Variants in NRG1 observed in about 807,000 individuals in gnomAD.
NRG1 encodes the protein pro-neuregulin-1, membrane-bound isoform.
A neutral mutation model predicts 63.8 loss-of-function variants in NRG1; 18 were observed. The observed-to-expected ratio is 0.28, with a 90% CI of 0.19 to 0.42. NRG1 has a LOEUF of 0.42. Ranked by LOEUF, NRG1 falls within the 10% of genes least tolerant of loss-of-function variation. The pLI is 1.00. For missense variants in NRG1, 762 were observed against 814.7 expected, an observed-to-expected ratio of 0.94 and a Z score of 0.79; for synonymous variants, 302 against 301.3, an observed-to-expected ratio of 1.00 and a Z score of -0.02.
At chr8:32,356,398 C>G (rs977969203) in intron 1 of NRG1, among the ~76,000 whole-genome samples, 4 of 149,644 alleles carry the variant, frequency 2.7e-5, no homozygotes, top group Non-Finnish European at 5.9e-5. Flanking sequence ...AATATGCTCA[C>G]AGGAAATAAT....
intron 1 of NRG1, among the ~76,000 whole-genome samples, chr8:31,834,830 A>C (rs1400394379): frequency 6.6e-6 from 1 of 152,224 alleles, no homozygotes; most frequent in Non-Finnish European, 1.5e-5. Flanking sequence ...GATGACTTTT[A>C]TCTTGCTCCT....
At chr8:32,212,135 C>T (rs1370565992) in intron 1 of NRG1, among the ~76,000 whole-genome samples, 1 of 152,088 alleles carries the variant, frequency 6.6e-6, no homozygotes, top group Non-Finnish European at 1.5e-5. Flanking sequence ...AGATCTACCA[C>T]TTAAAAATTA....
At chr8:31,908,441 G>A (rs1832694522) in intron 1 of NRG1, among the ~76,000 whole-genome samples, 1 of 152,192 alleles carries the variant, frequency 6.6e-6, no homozygotes, top group South Asian at 2.1e-4. Context: ...ACTGGTGGCA[G>A]TGGTTTGTGG....
intron 1 of NRG1, among the ~76,000 whole-genome samples, chr8:32,145,146 C>T (rs1836733194): frequency 6.6e-6 from 1 of 152,166 alleles, no homozygotes; most frequent in Non-Finnish European, 1.5e-5. Context: ...TCAACCACAG[C>T]CTTTACCTTC....
chr8:31,938,992 A>G (rs1011163179), intron 1 of NRG1, among the ~76,000 whole-genome samples: 1 of 152,208 alleles, frequency 6.6e-6, no homozygotes, highest in African/African-American at 2.4e-5. Context: ...AGCATATTTG[A>G]GGGAATAATT....
chr8:31,931,291 T>A (rs1288476839), intron 1 of NRG1, among the ~76,000 whole-genome samples: 1 of 151,672 alleles, frequency 6.6e-6, no homozygotes, highest in Non-Finnish European at 1.5e-5. Context: ...CCAAAATAAA[T>A]AAATAAATAA....
At chr8:31,949,113 A>G (rs1049621032) in intron 1 of NRG1, among the ~76,000 whole-genome samples, 14 of 152,238 alleles carry the variant, frequency 9.2e-5, no homozygotes, top group African/African-American at 2.9e-4. Context: ...AGATGATGAT[A>G]ATCATAATAG....
intron 1 of NRG1, among the ~76,000 whole-genome samples, chr8:32,029,142 T>C (rs1469085051): frequency 6.6e-6 from 1 of 152,196 alleles, no homozygotes; most frequent in African/African-American, 2.4e-5. Context: ...AACAAAGTAT[T>C]ATTTGCGTAC....
intron 1 of NRG1, among the ~76,000 whole-genome samples, chr8:32,278,722 T>C (rs1852374616): frequency 6.6e-6 from 1 of 152,204 alleles, no homozygotes; most frequent in Non-Finnish European, 1.5e-5. Context: ...CTCCTTTCCA[T>C]GATACTCATC....
At chr8:32,731,740 A>C (rs934022452) in intron 6 of NRG1, among the ~76,000 whole-genome samples, 12 of 152,218 alleles carry the variant, frequency 7.9e-5, no homozygotes, top group African/African-American at 2.9e-4. Context: ...TACATTGTTC[A>C]CTAGACCACT....
chr8:32,311,951 C>G (rs370637427), intron 1 of NRG1, among the ~76,000 whole-genome samples: 3 of 152,210 alleles, frequency 2.0e-5, no homozygotes, highest in Non-Finnish European at 4.4e-5. Context: ...CTTCCGATTT[C>G]TTTTTTCTCT....
At chr8:31,690,987 C>A (rs542649234) in intron 1 of NRG1, among the ~76,000 whole-genome samples, 1 of 151,966 alleles carries the variant, frequency 6.6e-6, no homozygotes, top group Non-Finnish European at 1.5e-5. Flanking sequence ...GCTGAGTGAA[C>A]GAAGAGACTG....
rs80189840 is a variant in NRG1, at chr8:32,557,375, T to C, written c.100+8549T>C. 2.3e-4 allele frequency among the ~76,000 whole-genome samples: 35 copies of C among 152,340 alleles called. 1 individual carries two copies. In the East Asian group the frequency reaches 6.7e-3, roughly 29 times the overall value. ...ATCTTTTGGTATTTTATCTCTTTTC[T>C]GCCAACAGGGTGAAATGGAAGTACA... On this transcript the variant is annotated intron_variant, in intron 1 of 11. Transcript: ENST00000356819.
chr8:32,007,504 T>A (rs1273006625), intron 1 of NRG1, among the ~76,000 whole-genome samples: 4 of 152,050 alleles, frequency 2.6e-5, no homozygotes, highest in Non-Finnish European at 4.4e-5. Context: ...TTTTAACAGA[T>A]AATTAAATGA....
At chr8:32,259,171 G>A (rs1208591103) in intron 1 of NRG1, among the ~76,000 whole-genome samples, 7 of 152,170 alleles carry the variant, frequency 4.6e-5, no homozygotes, top group African/African-American at 1.7e-4. Flanking sequence ...AACCAAGTAA[G>A]TTTGAGTTTC....
At chr8:32,018,360 G>A (rs1047509274) in intron 1 of NRG1, among the ~76,000 whole-genome samples, 1 of 152,054 alleles carries the variant, frequency 6.6e-6, no homozygotes, top group Admixed American at 6.6e-5. Flanking sequence ...CATCATTTTA[G>A]GATTCCTTTT....
At chr8:32,654,418 C>T (rs1855829106) in intron 5 of NRG1, among the ~76,000 whole-genome samples, 1 of 152,052 alleles carries the variant, frequency 6.6e-6, no homozygotes, top group Non-Finnish European at 1.5e-5. Flanking sequence ...CACCTGAGGT[C>T]AGGAGTTCCA....
At chr8:32,635,538 T>C (rs1349836667) in intron 5 of NRG1, among the ~76,000 whole-genome samples, 3 of 151,222 alleles carry the variant, frequency 2.0e-5, no homozygotes, top group Non-Finnish European at 4.4e-5. Flanking sequence ...CATTTAGCCC[T>C]GATTTTTTTT....
At chr8:32,048,685 C>CATTGTG (rs1437836116) in intron 1 of NRG1, among the ~76,000 whole-genome samples, 4 of 151,650 alleles carry the variant, frequency 2.6e-5, no homozygotes, top group Non-Finnish European at 5.9e-5. Flanking sequence ...GGTGATATCG[C>CATTGTG]ATTGTGACGT....
Sources: allele counts gnomAD v4.1 joint callset (sites outside exome capture counted in the v4.1 genomes callset), GRCh38; gene constraint gnomAD v4.1.1; transcripts MANE v1.5; gene names NCBI Gene and HGNC (gene_info 2026-07-23, HGNC 2026-07-21).